PDE4B: variants seen among roughly 807,000 people sequenced by gnomAD.
The protein encoded by PDE4B is phosphodiesterase 4B.
A neutral mutation model predicts 82.2 loss-of-function variants in PDE4B; 20 were observed. The ratio of observed to expected loss-of-function variants is 0.24; its 90% CI spans 0.17 to 0.35. The LOEUF is 0.35. Ranked by LOEUF, PDE4B falls within the 10% of genes least tolerant of loss-of-function variation. The pLI is 1.00. For missense variants in PDE4B, 655 were observed against 907.2 expected, an observed-to-expected ratio of 0.72 and a Z score of 3.57; for synonymous variants, 320 against 318.9, an observed-to-expected ratio of 1.00 and a Z score of -0.04.
At chr1:65,970,722 C>T (rs17128163) in intron 3 of PDE4B, among the ~76,000 whole-genome samples, 6,104 of 151,954 alleles carry the variant, frequency 0.04, 486 homozygotes, top group East Asian at 0.36. Flanking sequence ...AAGTGACATT[C>T]GATTAGGTCT....
chr1:66,009,093 C>T (rs72918207), intron 3 of PDE4B, among the ~76,000 whole-genome samples: 27 of 152,292 alleles, frequency 1.8e-4, no homozygotes, highest in African/African-American at 6.3e-4. Context: ...CTTTCTCCCC[C>T]CTACACCATG....
At chr1:65,861,893 G>T (rs2100259089) in intron 1 of PDE4B, among the ~76,000 whole-genome samples, 1 of 152,196 alleles carries the variant, frequency 6.6e-6, no homozygotes, top group South Asian at 2.1e-4. Flanking sequence ...TTTGCACATT[G>T]ATTTTTGTAT....
At chr1:66,253,989 A>G (rs1157634168) in intron 4 of PDE4B, among the ~76,000 whole-genome samples, 4 of 152,232 alleles carry the variant, frequency 2.6e-5, no homozygotes, top group Non-Finnish European at 5.9e-5. Flanking sequence ...TGGATTGTAC[A>G]GTTTTAATAA....
At chr1:65,941,258 G>A (rs1229478165) in intron 3 of PDE4B, among the ~76,000 whole-genome samples, 1 of 152,014 alleles carries the variant, frequency 6.6e-6, no homozygotes, top group African/African-American at 2.4e-5. Flanking sequence ...GCACTGAAGA[G>A]CCCCAAGATT....
chr1:66,007,182 T>C (rs1303738345), intron 3 of PDE4B, among the ~76,000 whole-genome samples: 4 of 152,048 alleles, frequency 2.6e-5, no homozygotes, highest in African/African-American at 9.7e-5. Context: ...TGGTGGCTCA[T>C]GCCTGTAATC....
chr1:65,877,513 G>C (rs959558830), intron 1 of PDE4B, among the ~76,000 whole-genome samples: 3 of 151,992 alleles, frequency 2.0e-5, no homozygotes, highest in Admixed American at 2.0e-4. Flanking sequence ...TACTTGGGAG[G>C]CTGAGGCAGG....
chr1:65,809,640 C>G (rs1282627670), intron 1 of PDE4B, among the ~76,000 whole-genome samples: 1 of 152,108 alleles, frequency 6.6e-6, no homozygotes, highest in Non-Finnish European at 1.5e-5. Context: ...TTTAAAGAGG[C>G]TTTAGCATTC....
chr1:65,974,853 G>T (rs1315931698), intron 3 of PDE4B, among the ~76,000 whole-genome samples: 1 of 152,150 alleles, frequency 6.6e-6, no homozygotes. Context: ...CCTGTGAACT[G>T]TCAGTCAATT....
chr1:65,968,544 G>C (rs1171975643), intron 3 of PDE4B, among the ~76,000 whole-genome samples: 2 of 151,874 alleles, frequency 1.3e-5, no homozygotes, highest in African/African-American at 4.8e-5. Flanking sequence ...TTAGAGGAAT[G>C]GGAAGTTATT....
chr1:66,361,384 C>G (rs1320087142), intron 9 of PDE4B, among the ~76,000 whole-genome samples: 2 of 152,080 alleles, frequency 1.3e-5, no homozygotes, highest in Non-Finnish European at 2.9e-5. Flanking sequence ...TTCCTCTGGG[C>G]CTTAATTTGC....
At chr1:66,047,824 T>C (rs1418333301) in intron 3 of PDE4B, among the ~76,000 whole-genome samples, 1 of 151,962 alleles carries the variant, frequency 6.6e-6, no homozygotes, top group African/African-American at 2.4e-5. Flanking sequence ...ATAAATGCAA[T>C]TAAATAAATT....
At chr1:65,915,192 G>A (rs1020799754) in intron 2 of PDE4B, among the ~76,000 whole-genome samples, 30 of 152,044 alleles carry the variant, frequency 2.0e-4, no homozygotes, top group Non-Finnish European at 7.4e-5. Context: ...AAATATATTA[G>A]GAGATTGTTT....
intron 1 of PDE4B, among the ~76,000 whole-genome samples, chr1:65,866,196 A>C (rs1646508438): frequency 6.6e-6 from 1 of 152,036 alleles, no homozygotes; most frequent in East Asian, 1.9e-4. Context: ...AATTTGCCTT[A>C]GTTTTATGGT....
At chr1:66,321,708 G>A (rs191740556) in intron 7 of PDE4B, among the ~76,000 whole-genome samples, 16 of 152,292 alleles carry the variant, frequency 1.1e-4, no homozygotes, top group Admixed American at 8.5e-4. Flanking sequence ...CTACGCTCAT[G>A]GATAGGAAGA....
chr1:66,190,558 T>A (rs191474780), intron 3 of PDE4B, among the ~76,000 whole-genome samples: 127 of 152,330 alleles, frequency 8.3e-4, no homozygotes, highest in African/African-American at 2.9e-3. Flanking sequence ...CCAGCCTCGC[T>A]GCCTGCAACC....
intron 3 of PDE4B, among the ~76,000 whole-genome samples, chr1:66,158,659 A>G (rs546439471): frequency 6.6e-6 from 1 of 152,348 alleles, no homozygotes; most frequent in Admixed American, 6.5e-5. Flanking sequence ...TTGCCGCATT[A>G]TTCACAATAG....
chr1:65,937,693 C>T (rs367672097), intron 3 of PDE4B, among the ~76,000 whole-genome samples: 21 of 152,192 alleles, frequency 1.4e-4, no homozygotes, highest in African/African-American at 3.6e-4. Context: ...CTGTGATTGC[C>T]GTCTTAGGTA....
At chr1:66,302,297 G>C (rs546752033) in intron 7 of PDE4B, among the ~76,000 whole-genome samples, 31 of 152,126 alleles carry the variant, frequency 2.0e-4, no homozygotes, top group Non-Finnish European at 4.6e-4. Flanking sequence ...TTATAAAAAA[G>C]AACCACAGAT....
At chr1:66,163,462 T>G (rs56033038) in intron 3 of PDE4B, among the ~76,000 whole-genome samples, 16,969 of 152,100 alleles carry the variant, frequency 0.11, 1,289 homozygotes, top group South Asian at 0.27. Context: ...CTCTTATAAT[T>G]ATTTGTATTA....
Sources: allele counts gnomAD v4.1 joint callset (sites outside exome capture counted in the v4.1 genomes callset), GRCh38; gene constraint gnomAD v4.1.1; transcripts MANE v1.5; gene names NCBI Gene and HGNC (gene_info 2026-07-23, HGNC 2026-07-21).